The following SGCD variants were observed in gnomAD, a reference collection of about 807,000 sequenced individuals.
SGCD encodes the protein delta-sarcoglycan.
Under a neutral mutation model 36.6 loss-of-function variants are expected in SGCD, and 18 were observed. That is an observed-to-expected ratio of 0.49 (90% CI 0.34 to 0.73). The LOEUF (loss-of-function observed/expected upper bound fraction) is 0.73, where lower values mean the gene tolerates loss of function less well. Among genes scored for constraint, SGCD ranks in the 30% least tolerant of loss-of-function variants. The pLI is 0.01. For synonymous variants in SGCD, 133 were observed against 130.6 expected (o/e 1.02, Z -0.12); for missense variants, 387 against 346.7 (o/e 1.12, Z -0.92).
chr5:156,200,838 C>A (rs576368403), intron 3 of SGCD, among the ~76,000 whole-genome samples: 5 of 152,264 alleles, frequency 3.3e-5, no homozygotes, highest in African/African-American at 1.2e-4. Context: ...GAAAGCAACC[C>A]AGATGTCCAT....
At chr5:156,506,320 T>C (rs183969995) in intron 3 of SGCD, among the ~76,000 whole-genome samples, 2 of 151,944 alleles carry the variant, frequency 1.3e-5, no homozygotes, top group Non-Finnish European at 1.5e-5. Flanking sequence ...TAAAGTTTCA[T>C]GTTAAATCAT....
intron 1 of SGCD, among the ~76,000 whole-genome samples, chr5:156,076,105 G>A (rs572754289): frequency 2.8e-4 from 43 of 151,932 alleles, no homozygotes; most frequent in African/African-American, 5.8e-4. Flanking sequence ...CTACTATCTC[G>A]CGGTCGCCAT....
intron 3 of SGCD, among the ~76,000 whole-genome samples, chr5:156,452,780 A>G (rs1308394585): frequency 6.6e-6 from 1 of 152,224 alleles, no homozygotes; most frequent in African/African-American, 2.4e-5. Context: ...ACATGCTGGA[A>G]TGATGGCTCA....
chr5:155,874,434 T>C (rs1229762670), intron 1 of SGCD, among the ~76,000 whole-genome samples: 1 of 152,146 alleles, frequency 6.6e-6, no homozygotes, highest in East Asian at 1.9e-4. Flanking sequence ...GAAGAAGTCA[T>C]TTTTGCTCTT....
chr5:156,356,010 T>A (rs1403556910), intron 3 of SGCD, among the ~76,000 whole-genome samples: 3 of 152,220 alleles, frequency 2.0e-5, no homozygotes, highest in Non-Finnish European at 2.9e-5. Flanking sequence ...GTTTGCTTAC[T>A]CTGTATCTGC....
At chr5:155,829,647 T>C in the SGCD span, among the ~76,000 whole-genome samples, 1 of 152,250 alleles carries the variant, frequency 6.6e-6, no homozygotes, top group East Asian at 1.9e-4. Context: ...TCATAGCCTG[T>C]TTGAAAATCC....
At chr5:156,085,609 C>T (rs559419904) in intron 1 of SGCD, among the ~76,000 whole-genome samples, 2 of 152,140 alleles carry the variant, frequency 1.3e-5, no homozygotes, top group Non-Finnish European at 2.9e-5. Context: ...CTCTTTATAG[C>T]AGTGCAAGAA....
intron 1 of SGCD, among the ~76,000 whole-genome samples, chr5:155,907,274 A>G (rs1316536331): frequency 6.6e-6 from 1 of 152,128 alleles, no homozygotes; most frequent in African/African-American, 2.4e-5. Flanking sequence ...TTGCTTACCT[A>G]AGATCCCTGA....
At chr5:156,566,665 C>T (rs994310924) in intron 4 of SGCD, among the ~76,000 whole-genome samples, 2 of 152,044 alleles carry the variant, frequency 1.3e-5, no homozygotes, top group African/African-American at 4.8e-5. Flanking sequence ...TAACACTATT[C>T]TAAGTGAAAA....
In SGCD at chr5:156,070,563, G is replaced by T. The variant is rs563225707; in HGVS notation, c.-281-47315G>T. 2.6e-5 allele frequency among the ~76,000 whole-genome samples: 4 copies of T among 151,612 alleles called. No homozygotes were observed. The South Asian group carries it at 8.3e-4, about 31-fold the overall frequency. On this transcript the variant is annotated intron_variant, in intron 1 of 9. Transcript: ENST00000517913. ...TTTTATTGAGGATTTTTGCATCAGT[G>T]TTCATCAAGGATATTGGTCTAAAAT...
intron 7 of SGCD, among the ~76,000 whole-genome samples, chr5:156,727,869 G>A (rs1201445709): frequency 6.6e-6 from 1 of 152,132 alleles, no homozygotes; most frequent in African/African-American, 2.4e-5. Flanking sequence ...AGTACAAAAG[G>A]CAGTTGGAAG....
chr5:156,673,691 A>G (rs562192539), intron 7 of SGCD, among the ~76,000 whole-genome samples: 11 of 152,336 alleles, frequency 7.2e-5, no homozygotes, highest in African/African-American at 2.4e-4. Flanking sequence ...TTGAATAGAA[A>G]ATAGATGCTA....
At chr5:156,523,783 C>T (rs1269526255) in intron 4 of SGCD, among the ~76,000 whole-genome samples, 1 of 151,820 alleles carries the variant, frequency 6.6e-6, no homozygotes, top group African/African-American at 2.4e-5. Flanking sequence ...GGCATAGTCT[C>T]ACCAGTCACT....
chr5:155,893,301 G>A (rs1397603318), intron 1 of SGCD, among the ~76,000 whole-genome samples: 1 of 152,110 alleles, frequency 6.6e-6, no homozygotes, highest in Non-Finnish European at 1.5e-5. Context: ...GCTTGCTTTT[G>A]CAACCTGAAA....
At chr5:156,133,930 C>T (rs1399479732) in intron 3 of SGCD, among the ~76,000 whole-genome samples, 7 of 149,306 alleles carry the variant, frequency 4.7e-5, no homozygotes, top group African/African-American at 7.3e-5. Flanking sequence ...CACACACACA[C>T]ACACACACAC....
intron 3 of SGCD, among the ~76,000 whole-genome samples, chr5:156,452,593 T>C (rs1274586295): frequency 6.6e-6 from 1 of 152,178 alleles, no homozygotes; most frequent in Non-Finnish European, 1.5e-5. Context: ...CCAAGTTTTT[T>C]AGAATACACC....
At chr5:156,233,758 G>C (rs1419441098) in intron 3 of SGCD, among the ~76,000 whole-genome samples, 1 of 152,156 alleles carries the variant, frequency 6.6e-6, no homozygotes, top group East Asian at 1.9e-4. Flanking sequence ...GGTGGTGCCT[G>C]CCTATAGTCC....
At chr5:156,621,045 G>A (rs1046941444) in intron 6 of SGCD, among the ~76,000 whole-genome samples, 3 of 152,232 alleles carry the variant, frequency 2.0e-5, no homozygotes, top group Non-Finnish European at 4.4e-5. Context: ...TATTTAAGCT[G>A]TAGTGTAGGC....
intron 1 of SGCD, among the ~76,000 whole-genome samples, chr5:155,968,775 A>G (rs1757951882): frequency 6.6e-6 from 1 of 152,106 alleles, no homozygotes; most frequent in Non-Finnish European, 1.5e-5. Flanking sequence ...GTACATTTGC[A>G]TCCCCATCCC....
Sources: allele counts gnomAD v4.1 joint callset (sites outside exome capture counted in the v4.1 genomes callset), GRCh38; gene constraint gnomAD v4.1.1; transcripts MANE v1.5; gene names NCBI Gene and HGNC (gene_info 2026-07-23, HGNC 2026-07-21).